The following GMDS variants were observed in gnomAD, a reference collection of about 807,000 sequenced individuals.
GMDS encodes GDP-mannose 4,6 dehydratase.
Under a neutral mutation model 49.9 loss-of-function variants are expected in GMDS, and 20 were observed. The ratio of observed to expected loss-of-function variants is 0.40; its 90% CI spans 0.28 to 0.58. The LOEUF (loss-of-function observed/expected upper bound fraction) is 0.58, where lower values mean the gene tolerates loss of function less well. Ranked by LOEUF, GMDS falls within the 20% of genes least tolerant of loss-of-function variation. GMDS has a pLI of 0.42. For missense variants in GMDS, 362 were observed against 481.4 expected (o/e 0.75, Z 2.32); for synonymous variants, 177 against 178.6 (o/e 0.99, Z 0.07).
chr6:2,227,603 C>T (rs1780874181), intron 1 of GMDS, among the ~76,000 whole-genome samples: 1 of 152,224 alleles, frequency 6.6e-6, no homozygotes, highest in African/African-American at 2.4e-5. Flanking sequence ...AAGGCAAGCA[C>T]AGCAGGAGAC....
At chr6:2,079,093 T>C (rs532489551) in intron 4 of GMDS, among the ~76,000 whole-genome samples, 1 of 140,418 alleles carries the variant, frequency 7.1e-6, no homozygotes, top group East Asian at 2.5e-4. Flanking sequence ...GTATAGCTAC[T>C]CCTACTCACT....
At chr6:1,908,409 G>T (rs1760885605) in intron 7 of GMDS, among the ~76,000 whole-genome samples, 1 of 152,146 alleles carries the variant, frequency 6.6e-6, no homozygotes, top group South Asian at 2.1e-4. Flanking sequence ...TCACTTAAAA[G>T]CTTAAACTAA....
intron 7 of GMDS, among the ~76,000 whole-genome samples, chr6:1,813,246 A>G (rs1432249400): frequency 6.6e-6 from 1 of 150,956 alleles, no homozygotes; most frequent in African/African-American, 2.4e-5. Flanking sequence ...AAAAAAAAAA[A>G]AACCTTAATT....
intron 1 of GMDS, among the ~76,000 whole-genome samples, chr6:2,165,435 T>C (rs1039719979): frequency 3.9e-5 from 6 of 152,178 alleles, no homozygotes; most frequent in Non-Finnish European, 4.4e-5. Flanking sequence ...GCAGGAGAAA[T>C]TCCCTCTTAC....
chr6:2,135,345 G>A lies in GMDS; in HGVS notation c.103-10614C>T, dbSNP rs151162681. Reference sequence around the variant, plus strand: ...TGCTACTGTGTGTATTTGTGTATCCGTGAGTGAGTGTGTGCATGCTTGCCT... The same window carrying A: ...TGCTACTGTGTGTATTTGTGTATCCATGAGTGAGTGTGTGCATGCTTGCCT... On this transcript the variant is annotated intron_variant, in intron 1 of 10. Coordinates refer to ENST00000380815, the MANE Select transcript of GMDS (RefSeq NM_001500.4). Among the ~76,000 whole-genome samples, 523 of 152,058 alleles carry A rather than the reference G, an allele frequency of 3.4e-3. 3 individuals carry two copies. Among genetic ancestry groups the A allele is most frequent in the African/African-American group, 0.012 (503 of 41,476 alleles).
At chr6:2,115,746 G>A (rs762829251) in intron 4 of GMDS, 25 bp downstream of exon 4, 16 of 1,206,638 alleles carry the variant, frequency 1.3e-5, no homozygotes, top group Non-Finnish European at 2.5e-6. Context: ...AACACGGCCA[G>A]AGAAATCCCA....
chr6:1,776,819 T>C (rs3800057), intron 7 of GMDS, among the ~76,000 whole-genome samples: 69,570 of 151,656 alleles, frequency 0.46, 17,092 homozygotes, highest in African/African-American at 0.63. Context: ...TCTGGGCACT[T>C]AGCTTGCCTG....
intron 4 of GMDS, among the ~76,000 whole-genome samples, chr6:2,075,718 C>T (rs1169198742): frequency 2.6e-5 from 4 of 152,116 alleles, no homozygotes; most frequent in South Asian, 2.1e-4. Flanking sequence ...AATAAACATA[C>T]GTGTGCATGT....
chr6:2,238,243 A>C (rs1426168607), intron 1 of GMDS, among the ~76,000 whole-genome samples: 1 of 33,284 alleles, frequency 3.0e-5, no homozygotes, highest in African/African-American at 8.9e-4. Context: ...AAAAAATAGT[A>C]AAAAAATCAG....
intron 7 of GMDS, among the ~76,000 whole-genome samples, chr6:1,865,082 C>T (rs1758381387): frequency 6.6e-6 from 1 of 152,210 alleles, no homozygotes; most frequent in Admixed American, 6.5e-5. Flanking sequence ...CCATCTCTCT[C>T]TCTTCAGGGA....
intron 7 of GMDS, among the ~76,000 whole-genome samples, chr6:1,841,762 GAACC>G (rs1757161940): frequency 6.6e-6 from 1 of 152,212 alleles, no homozygotes; most frequent in African/African-American, 2.4e-5. Context: ...AAGGGAGGAA[GAACC>G]ATGAGGAAGG....
intron 7 of GMDS, among the ~76,000 whole-genome samples, chr6:1,853,466 T>G (rs966143533): frequency 7.5e-6 from 1 of 133,602 alleles, no homozygotes; most frequent in African/African-American, 3.0e-5. Flanking sequence ...TGCAGTGAGC[T>G]GAGATCGCGC....
intron 6 of GMDS, among the ~76,000 whole-genome samples, chr6:1,950,519 G>C (rs1007650535): frequency 6.6e-6 from 1 of 152,220 alleles, no homozygotes; most frequent in South Asian, 2.1e-4. Context: ...TCCTGGGTTT[G>C]AGTTGGGTCT....
chr6:1,904,337 G>A (rs917385302), intron 7 of GMDS, among the ~76,000 whole-genome samples: 2 of 152,094 alleles, frequency 1.3e-5, no homozygotes, highest in Non-Finnish European at 1.5e-5. Context: ...CTGTTAATCA[G>A]GACTCTCATT....
intron 1 of GMDS, among the ~76,000 whole-genome samples, chr6:2,243,843 C>CTTTTTTTTTTTTTTTT (rs68171156): frequency 1.7e-5 from 1 of 58,114 alleles, no homozygotes; most frequent in African/African-American, 6.0e-5. Flanking sequence ...ACTTCTCCTT[C>CTTTTTTTTTTTTTTTT]TTTTTTTTTT....
intron 4 of GMDS, among the ~76,000 whole-genome samples, chr6:2,065,041 G>C (rs1033809538): frequency 4.6e-5 from 7 of 152,134 alleles, no homozygotes; most frequent in Admixed American, 2.0e-4. Flanking sequence ...GCTTTGAAGA[G>C]AGCAGTGGTT....
chr6:1,893,695 T>C (rs1760006628), intron 7 of GMDS, among the ~76,000 whole-genome samples: 1 of 152,154 alleles, frequency 6.6e-6, no homozygotes, highest in African/African-American at 2.4e-5. Flanking sequence ...GCAGCTGCAA[T>C]AAAAGGCAGT....
chr6:2,058,039 C>T (rs539851303), intron 4 of GMDS, among the ~76,000 whole-genome samples: 1 of 152,058 alleles, frequency 6.6e-6, no homozygotes, highest in South Asian at 2.1e-4. Context: ...GCATTAATAC[C>T]TCACATCAAG....
At chr6:2,196,942 G>A (rs915214645) in intron 1 of GMDS, among the ~76,000 whole-genome samples, 4 of 152,164 alleles carry the variant, frequency 2.6e-5, no homozygotes, top group African/African-American at 9.7e-5. Context: ...TGGTGGTGAT[G>A]ACTTGATTCT....
Sources: gnomAD v4.1 joint callset for allele counts (sites outside exome capture counted in the v4.1 genomes callset) on GRCh38, gnomAD v4.1.1 for gene constraint, MANE v1.5 for transcripts, NCBI Gene and HGNC (gene_info 2026-07-23, HGNC 2026-07-21) for gene names.